The following ACVR2A variants were observed in gnomAD, a reference collection of about 807,000 sequenced individuals.
The protein encoded by ACVR2A is activin receptor type-2A.
A neutral mutation model predicts 61.4 loss-of-function variants in ACVR2A; 7 were observed. The observed-to-expected ratio is 0.11, with a 90% CI of 0.06 to 0.21. The LOEUF (loss-of-function observed/expected upper bound fraction) is 0.21. Among genes scored for constraint, ACVR2A ranks in the 10% least tolerant of loss-of-function variants. The pLI is 1.00. For synonymous variants in ACVR2A, 193 were observed against 208.3 expected (o/e 0.93, Z 0.63); for missense variants, 322 against 621.7 (o/e 0.52, Z 5.13).
At chr2:147,878,958 C>A (rs1262775973) in intron 1 of ACVR2A, among the ~76,000 whole-genome samples, 1 of 151,870 alleles carries the variant, frequency 6.6e-6, no homozygotes, top group African/African-American at 2.4e-5. Context: ...ATAGAAAAAT[C>A]ATATAAGCTT....
At chr2:147,916,317 G>A (rs1424172733) in intron 5 of ACVR2A, among the ~76,000 whole-genome samples, 6 of 151,820 alleles carry the variant, frequency 4.0e-5, no homozygotes. Context: ...GTGTAAGGAA[G>A]CATAAAGCTC....
chr2:147,875,666 A>C (rs1186300487), intron 1 of ACVR2A, among the ~76,000 whole-genome samples: 1 of 152,056 alleles, frequency 6.6e-6, no homozygotes, highest in Non-Finnish European at 1.5e-5. Flanking sequence ...ATAAATATGT[A>C]GGTGCTGTCT....
intron 1 of ACVR2A, among the ~76,000 whole-genome samples, chr2:147,870,701 C>A (rs1277731159): frequency 6.6e-6 from 1 of 152,134 alleles, no homozygotes; most frequent in African/African-American, 2.4e-5. Flanking sequence ...CTGTTTAATC[C>A]ACTGACTATA....
intron 4 of ACVR2A, among the ~76,000 whole-genome samples, chr2:147,904,522 ATTCT>A (rs992180966): frequency 1.8e-4 from 28 of 152,128 alleles, no homozygotes; most frequent in African/African-American, 5.5e-4. Context: ...TTGAAAATTA[ATTCT>A]TTCTTAAATA....
upstream of ACVR2A, chr2:147,844,983 T>TC: frequency 2.5e-6 from 1 of 398,226 alleles, no homozygotes. Context: ...TTCTTTTTTT[T>TC]TTTTAACCCA....
intron 1 of ACVR2A, among the ~76,000 whole-genome samples, chr2:147,892,399 T>C: frequency 6.6e-6 from 1 of 151,170 alleles, no homozygotes; most frequent in Non-Finnish European, 1.5e-5. Context: ...TGGCAACTTA[T>C]AACTACATCT....
intron 2 of ACVR2A, 49 bp downstream of exon 2, chr2:147,896,557 T>G: frequency 2.6e-6 from 4 of 1,551,062 alleles, no homozygotes; most frequent in Non-Finnish European, 3.6e-6. Context: ...ATTTTCACAC[T>G]TCCCCTCTTT....
intron 4 of ACVR2A, among the ~76,000 whole-genome samples, chr2:147,900,154 ACT>A (rs1686837232): frequency 6.6e-6 from 1 of 151,988 alleles, no homozygotes; most frequent in South Asian, 2.1e-4. Context: ...GGAGAGTTTT[ACT>A]CTCATGCTAA....
chr2:147,863,909 A>C (rs888670365), intron 1 of ACVR2A, among the ~76,000 whole-genome samples: 24 of 152,258 alleles, frequency 1.6e-4, no homozygotes, highest in African/African-American at 5.8e-4. Context: ...CAAATGTTCA[A>C]AGTAAATGCA....
At chr2:147,902,046 A>G (rs900476138) in intron 4 of ACVR2A, among the ~76,000 whole-genome samples, 7 of 151,992 alleles carry the variant, frequency 4.6e-5, no homozygotes, top group African/African-American at 1.7e-4. Context: ...ATACATAAAG[A>G]TATAAATTAT....
chr2:147,917,486 G>T, intron 6 of ACVR2A, 60 bp downstream of exon 6: 2 of 1,555,442 alleles, frequency 1.3e-6, no homozygotes, highest in Non-Finnish European at 1.8e-6. Context: ...ACCTAATGCT[G>T]GCTATAAATC....
chr2:147,881,196 G>A (rs749067032), intron 1 of ACVR2A, among the ~76,000 whole-genome samples: 3 of 152,114 alleles, frequency 2.0e-5, no homozygotes, highest in Non-Finnish European at 4.4e-5. Context: ...TGATAAATCC[G>A]AAGTTTTGTG....
At chr2:147,915,397 G>A in intron 5 of ACVR2A, 63 bp downstream of exon 5, 2 of 1,590,636 alleles carry the variant, frequency 1.3e-6, no homozygotes, top group South Asian at 2.2e-5. Flanking sequence ...TCATAACTCA[G>A]AAATAGTCTC....
chr2:147,893,131 C>A (rs1686631546), intron 1 of ACVR2A, among the ~76,000 whole-genome samples: 1 of 152,138 alleles, frequency 6.6e-6, no homozygotes, highest in African/African-American at 2.4e-5. Context: ...TCTGCCTTTT[C>A]CAGAATATTA....
chr2:147,917,200 G>C, intron 5 of ACVR2A, 83 bp from the exon 6 acceptor site: 1 of 1,354,532 alleles, frequency 7.4e-7, no homozygotes, highest in Non-Finnish European at 9.8e-7. Context: ...TTTTACTTTG[G>C]AACTTATTTG....
chr2:147,929,377 G>GTT lies in ACVR2A; in HGVS notation c.*2104_*2105dup, dbSNP rs34380358. 51,333 of 151,596 alleles carry GTT rather than the reference G, an allele frequency of 0.34. 8,894 individuals are homozygous for GTT. The highest frequency in any genetic ancestry group is 0.51 in the East Asian group (2,637 of 5,136). The allele number at this position is 151,596 out of a possible 1,614,324, so 9.4% of individuals were successfully genotyped here. On this transcript the variant is annotated 3_prime_UTR_variant, in exon 11 of 11. Transcript: ENST00000241416. ...TGAACATTTAACTTTCTTTTTAAAA[G>GTT]TTAAACAAAAATAAACAAGGGATAT...
Position 147,930,358 on chromosome 2 carries a change from T to G in ACVR2A, c.*3084T>G, listed in dbSNP as rs1687646920. 2.1e-5 allele frequency: 3 copies of G among 144,486 alleles called. No homozygotes were observed. Among genetic ancestry groups the G allele is most frequent in the South Asian group, 2.1e-4 (1 of 4,728 alleles). The allele number at this position is 144,486 out of a possible 1,614,324, so 9.0% of individuals were successfully genotyped here. A position where few individuals can be genotyped will look rare whatever the true frequency, so the allele number is the denominator to read the frequency against. ...TAAACTGATTACTGGTTTTTTTGTT[T>G]TTTTTTTTTTTTTTAAAGAAAGAAG... On this transcript the variant is annotated 3_prime_UTR_variant, in exon 11 of 11. Transcript: ENST00000241416.
chr2:147,854,190 A>G (rs1685513863), intron 1 of ACVR2A, among the ~76,000 whole-genome samples: 1 of 152,194 alleles, frequency 6.6e-6, no homozygotes, highest in Non-Finnish European at 1.5e-5. Context: ...CATTATAGAG[A>G]GCCAGATAGC....
chr2:147,900,890 C>A (rs1196411906), intron 4 of ACVR2A, among the ~76,000 whole-genome samples: 1 of 152,006 alleles, frequency 6.6e-6, no homozygotes, highest in African/African-American at 2.4e-5. Flanking sequence ...ACAACTCCTT[C>A]CCTCTAAGCT....
Sources: gnomAD v4.1 joint callset for allele counts (sites outside exome capture counted in the v4.1 genomes callset) on GRCh38, gnomAD v4.1.1 for gene constraint, MANE v1.5 for transcripts, NCBI Gene and HGNC (gene_info 2026-07-23, HGNC 2026-07-21) for gene names.